Variants in RPS6KA5 observed in about 807,000 individuals in gnomAD.
The protein encoded by RPS6KA5 is ribosomal protein S6 kinase alpha-5.
Under a neutral mutation model 85.5 loss-of-function variants are expected in RPS6KA5, and 27 were observed. That is an observed-to-expected ratio of 0.32 (90% CI 0.23 to 0.44). The LOEUF is 0.44. Among genes scored for constraint, RPS6KA5 ranks in the 20% least tolerant of loss-of-function variants. The pLI is 1.00. For missense variants in RPS6KA5, 811 were observed against 980.9 expected (o/e 0.83, Z 2.31); for synonymous variants, 334 against 348.2 (o/e 0.96, Z 0.46).
intron 5 of RPS6KA5, among the ~76,000 whole-genome samples, chr14:90,933,057 TTC>T (rs2037070962): frequency 6.6e-6 from 1 of 152,256 alleles, no homozygotes; most frequent in Non-Finnish European, 1.5e-5. Context: ...GCTACTGCTA[TTC>T]TCTTTCCTAA....
At chr14:91,042,792 A>G (rs1390883154) in intron 1 of RPS6KA5, among the ~76,000 whole-genome samples, 1 of 151,712 alleles carries the variant, frequency 6.6e-6, no homozygotes, top group East Asian at 1.9e-4. Flanking sequence ...CCATGACACC[A>G]TCGTCTATCC....
chr14:91,040,246 T>C (rs956165202), intron 1 of RPS6KA5, among the ~76,000 whole-genome samples: 16 of 152,100 alleles, frequency 1.1e-4, no homozygotes, highest in African/African-American at 3.6e-4. Context: ...CCATCTTTAC[T>C]AAAAATACAA....
rs1192055573 is a variant in RPS6KA5 at position 90,853,368 on chromosome 14, A to C, written c.*18706T>G. On this transcript the variant is annotated 3_prime_UTR_variant, in exon 17 of 17. Transcript: ENST00000614987. ...CAAAGAGTAGATTCATCAAACTAAG[A>C]TCTCCCATTAAGACATCAACAATGA... 1 of 152,178 alleles carries C rather than the reference A, an allele frequency of 6.6e-6. No homozygotes were observed. Among genetic ancestry groups the C allele is most frequent in the African/African-American group, 2.4e-5 (1 of 41,444 alleles). 9.4% of individuals were successfully genotyped at this position (152,178 alleles called of 1,614,324 possible).
At chr14:91,026,052 G>A (rs2041979856) in intron 1 of RPS6KA5, among the ~76,000 whole-genome samples, 1 of 152,022 alleles carries the variant, frequency 6.6e-6, no homozygotes, top group South Asian at 2.1e-4. Flanking sequence ...GTGTACCAAT[G>A]TTTAGCTCCC....
intron 2 of RPS6KA5, among the ~76,000 whole-genome samples, chr14:90,998,498 G>T (rs1371236770): frequency 3.3e-5 from 5 of 152,136 alleles, no homozygotes; most frequent in Non-Finnish European, 2.9e-5. Context: ...TTGACCAGAT[G>T]TCACAAAGCA....
intron 2 of RPS6KA5, among the ~76,000 whole-genome samples, chr14:90,999,356 G>A (rs991123413): frequency 2.6e-5 from 4 of 152,162 alleles, no homozygotes; most frequent in Non-Finnish European, 4.4e-5. Flanking sequence ...ACCCTTATAT[G>A]GACAGGTGTA....
At chr14:90,980,211 A>G (rs147777715) in intron 2 of RPS6KA5, among the ~76,000 whole-genome samples, 1 of 152,336 alleles carries the variant, frequency 6.6e-6, no homozygotes, top group African/African-American at 2.4e-5. Flanking sequence ...ATTATGCACT[A>G]CACCTTCCAA....
At chr14:91,014,036 C>G (rs2041374984) in intron 1 of RPS6KA5, among the ~76,000 whole-genome samples, 1 of 152,134 alleles carries the variant, frequency 6.6e-6, no homozygotes, top group Admixed American at 6.5e-5. Context: ...TCATAAAGTA[C>G]TAGGGATAAA....
rs987924658 is a variant in RPS6KA5 at position 90,869,513 on chromosome 14, A to T, written c.*2561T>A. ...TATGTTGGCATGAAAATTATATGCA[A>T]TACAATCAGTAAGTGAAGAAGGGAG... On this transcript the variant is annotated 3_prime_UTR_variant, in exon 17 of 17. Transcript: ENST00000614987. The T allele has an allele frequency of 1.3e-5, 2 of 152,204 alleles. No homozygotes were observed. The highest frequency in any genetic ancestry group is 4.8e-5 in the African/African-American group (2 of 41,446). The allele number at this position is 152,204 out of a possible 1,614,324, so 9.4% of individuals were successfully genotyped here.
chr14:90,849,913 T>C lies in RPS6KA5; in HGVS notation c.*22161A>G, dbSNP rs912899350. On this transcript the variant is annotated 3_prime_UTR_variant, in exon 17 of 17. Transcript: ENST00000614987. The stretch of plus-strand genomic sequence containing the variant: ...AGCTGGCACCACATTAGAATCTCCA[T>C]GGCCGTGCATGGTGGCTCATGCCTG... 13 of 152,266 alleles carry C rather than the reference T, an allele frequency of 8.5e-5. 1 individual carries two copies. Among genetic ancestry groups the C allele is most frequent in the Non-Finnish European group, 1.5e-4 (10 of 68,106 alleles). The allele number at this position is 152,266 out of a possible 1,614,324, so 9.4% of individuals were successfully genotyped here. A position where few individuals can be genotyped will look rare whatever the true frequency, so the allele number is the denominator to read the frequency against.
chr14:90,851,374 C>T lies in RPS6KA5; in HGVS notation c.*20700G>A, dbSNP rs1225853715. 6.6e-6 allele frequency: 1 copy of T among 152,186 alleles called. No homozygotes were observed. Among genetic ancestry groups the T allele is most frequent in the East Asian group, 1.9e-4 (1 of 5,192 alleles). The allele number at this position is 152,186 out of a possible 1,614,324, so 9.4% of individuals were successfully genotyped here. ...CTTTTAAAATTAAATTGCTATATAACAGAAAGTCTTCATTATTAAATATCA... is the reference window on the plus strand; with the variant it reads ...CTTTTAAAATTAAATTGCTATATAATAGAAAGTCTTCATTATTAAATATCA... On this transcript the variant is annotated 3_prime_UTR_variant, in exon 17 of 17. Coordinates refer to ENST00000614987, the MANE Select transcript of RPS6KA5 (RefSeq NM_004755.4).
At chr14:90,903,189 G>C (rs1001239060) in intron 8 of RPS6KA5, among the ~76,000 whole-genome samples, 1 of 152,248 alleles carries the variant, frequency 6.6e-6, no homozygotes, top group Non-Finnish European at 1.5e-5. Flanking sequence ...TATCGCTGTT[G>C]AATCTCAGAG....
intron 16 of RPS6KA5, among the ~76,000 whole-genome samples, chr14:90,872,759 CA>C (rs1376026738): frequency 1.3e-5 from 2 of 152,178 alleles, no homozygotes; most frequent in African/African-American, 4.8e-5. Flanking sequence ...CAGTCCCATT[CA>C]ATGTCATTTG....
At chr14:90,875,968 G>A (rs756926070) in intron 14 of RPS6KA5, among the ~76,000 whole-genome samples, 1 of 151,100 alleles carries the variant, frequency 6.6e-6, no homozygotes, top group Non-Finnish European at 1.5e-5. Context: ...TGAGTTAATG[G>A]GTGCAGCACA....
intron 2 of RPS6KA5, among the ~76,000 whole-genome samples, chr14:90,993,395 G>A (rs548581628): frequency 1.9e-4 from 29 of 152,224 alleles, no homozygotes; most frequent in Admixed American, 1.6e-3. Context: ...AGCTAAGATC[G>A]TGCCACTGCA....
chr14:90,925,941 CAAA>C (rs71117389), intron 5 of RPS6KA5, among the ~76,000 whole-genome samples: 72 of 73,490 alleles, frequency 9.8e-4, no homozygotes, highest in East Asian at 2.4e-3. Context: ...GACCCTGACT[CAAA>C]AAAAAAAAAA....
intron 1 of RPS6KA5, among the ~76,000 whole-genome samples, chr14:91,009,262 G>C (rs971155438): frequency 7.9e-5 from 12 of 152,228 alleles, no homozygotes; most frequent in African/African-American, 2.4e-4. Context: ...AAAGAGGCTA[G>C]AGCGAGCCTG....
intron 5 of RPS6KA5, among the ~76,000 whole-genome samples, chr14:90,939,489 T>C (rs1028827098): frequency 6.6e-6 from 1 of 152,170 alleles, no homozygotes; most frequent in African/African-American, 2.4e-5. Context: ...GATAAAGATA[T>C]ATCCAAGACT....
chr14:91,036,743 T>C (rs945353132), intron 1 of RPS6KA5, among the ~76,000 whole-genome samples: 2 of 152,190 alleles, frequency 1.3e-5, no homozygotes, highest in Non-Finnish European at 1.5e-5. Flanking sequence ...GAATTGTCAA[T>C]TGTCTGTGCA....
Sources: gnomAD v4.1 joint callset for allele counts (sites outside exome capture counted in the v4.1 genomes callset) on GRCh38, gnomAD v4.1.1 for gene constraint, MANE v1.5 for transcripts, NCBI Gene and HGNC (gene_info 2026-07-23, HGNC 2026-07-21) for gene names.